Variants in PCARE observed in about 807,000 individuals in gnomAD.
The protein encoded by PCARE is uncharacterized protein C2orf71.
In PCARE, 72 loss-of-function variants were observed where a neutral mutation model predicts 82.2. The ratio of observed to expected loss-of-function variants is 0.88; its 90% CI spans 0.72 to 1.07. The LOEUF (loss-of-function observed/expected upper bound fraction) is 1.07. Among genes scored for constraint, PCARE ranks in the 50% least tolerant of loss-of-function variants. The pLI, the probability that PCARE is intolerant of heterozygous loss-of-function variation, is 0.00. For synonymous variants in PCARE, 705 were observed against 634.8 expected (o/e 1.11, Z -1.66); for missense variants, 1,768 against 1,592.4 (o/e 1.11, Z -1.88).
Position 29,072,764 on chromosome 2 carries a change from T to A in PCARE, c.1498A>T (p.Met500Leu). 6.2e-7 allele frequency: 1 copy of A among 1,614,078 alleles called. No individual in the cohort carries two copies. Among genetic ancestry groups the A allele is most frequent in the Non-Finnish European group, 8.5e-7 (1 of 1,180,000 alleles). ...TTTTCCTGCCAGGCACACAGACTCA[T>A]GCTGCTCATTTTGTCTTCCTCCTCC... ...EEEEEDKMSS[M>L]SLCAWQEKTP... is the part of the protein sequence containing the mutation. The change falls in exon 1 of 2, where the codon ATG (methionine) becomes TTG (leucine). Residue 500 changes from methionine (M) to leucine (L), a missense_variant. Met to Leu is a conservative substitution (Grantham distance 15). Transcript: ENST00000331664.
chr2:29,071,926 G>A lies in PCARE; in HGVS notation c.2336C>T (p.Pro779Leu), dbSNP rs763558017. The stretch of plus-strand genomic sequence containing the variant: ...TGATGCTGGAGAAATTTGGGGCTTC[G>A]GATACAAAGGGGCAAGCCCTGTGTA... ...PKYTGLAPLY[P>L]KPQISPASGR... Residue 779 changes from proline to leucine, a missense_variant, in exon 1 of 2, where the codon CCG (proline) becomes CTG (leucine). Coordinates refer to ENST00000331664, the MANE Select transcript of PCARE (RefSeq NM_001029883.3). 7.4e-6 allele frequency: 12 copies of A among 1,614,042 alleles called. No individual in the cohort carries two copies. The highest frequency in any genetic ancestry group is 1.6e-4 in the Middle Eastern group (1 of 6,084).
At chr2:29,070,192 C>T (rs1667447737) in intron 1 of PCARE, among the ~76,000 whole-genome samples, 1 of 151,988 alleles carries the variant, frequency 6.6e-6, no homozygotes, top group Non-Finnish European at 1.5e-5. Flanking sequence ...TGGTGGTTTC[C>T]TGCACCTATC....
rs1188750327 is a variant in PCARE, at chr2:29,072,815, C to T, written c.1447G>A (p.Asp483Asn). The change falls in exon 1 of 2, where the codon GAC (aspartate) becomes AAC (asparagine). Residue 483 changes from aspartate (D) to asparagine (N), a missense_variant. By Grantham distance (23) the Asp-to-Asn change is conservative. Transcript: ENST00000331664. ...SRPMDASSLS[D>N]SEDSSPEEEE... ...TCCTCTGGGCTGCTGTCCTCGCTGT[C>T]ACTAAGAGATGAAGCGTCCATCGGC... 3 of 1,614,138 alleles carry T rather than the reference C, an allele frequency of 1.9e-6. 1 individual carries two copies. Among genetic ancestry groups the T allele is most frequent in the Non-Finnish European group, 2.5e-6 (3 of 1,180,034 alleles).
In PCARE at chr2:29,073,618, A is replaced by T. The variant is rs187815594; in HGVS notation, c.644T>A (p.Leu215Gln). ...IHQATQTREL[L>Q]QPMVSFLLLC... The stretch of plus-strand genomic sequence containing the variant: ...CAGCAAGAAGCTGACCATGGGCTGC[A>T]GCAGCTCCCGGGTCTGGGTGGCCTG... The change falls in exon 1 of 2, where the codon CTG (leucine) becomes CAG (glutamine). Residue 215 changes from leucine to glutamine, a missense_variant. Physicochemically the swap from Leu to Gln is moderately radical, Grantham distance 113. Transcript: ENST00000331664. The T allele has an allele frequency of 1.9e-6, 3 of 1,614,202 alleles. No individual in the cohort carries two copies. Among genetic ancestry groups the T allele is most frequent in the Admixed American group, 3.3e-5 (2 of 60,030 alleles).
rs951445929 is a variant in PCARE, at chr2:29,072,016, T to A, written c.2246A>T (p.Asp749Val). Residue 749 changes from aspartate (D) to valine (V), a missense_variant, in exon 1 of 2, where the codon GAC (aspartate) becomes GTC (valine). Physicochemically the swap from Asp to Val is radical, Grantham distance 152. Transcript: ENST00000331664. ...SPTESLRMLG[D>V]SKDAGASPCL... ...GGGACTTGCCCCAGCGTCCTTAGAG[T>A]CCCCCAGCATCCTCAGACTCTCCGT... 4 of 1,613,758 alleles carry A rather than the reference T, an allele frequency of 2.5e-6. No individual in the cohort carries two copies. The highest frequency in any genetic ancestry group is 3.4e-6 in the Non-Finnish European group (4 of 1,179,872).
rs1418612642 is a variant in PCARE at position 29,071,083 on chromosome 2, G to A, written c.3179C>T (p.Pro1060Leu). 3.2e-6 allele frequency: 5 copies of A among 1,586,298 alleles called. No individual in the cohort carries two copies. Among genetic ancestry groups the A allele is most frequent in the Non-Finnish European group, 3.4e-6 (4 of 1,164,342 alleles). The change falls in exon 1 of 2, where the codon CCC becomes CTC. Residue 1060 changes from proline to leucine, a missense_variant. Physicochemically the swap from Pro to Leu is moderately conservative, Grantham distance 98. Coordinates refer to ENST00000331664, the MANE Select transcript of PCARE (RefSeq NM_001029883.3). The stretch of plus-strand genomic sequence containing the variant: ...GCACTGAGCAGGTGCACTCTCGGGG[G>A]GAGGGTTGGGCAACTTGGGCTGGTG... ...PPHQPKLPNP[P>L]PESAPAQCKV...
chr2:29,066,109 T>A (rs530572390), intron 1 of PCARE, among the ~76,000 whole-genome samples: 1 of 152,208 alleles, frequency 6.6e-6, no homozygotes, highest in East Asian at 1.9e-4. Flanking sequence ...GATTGCGCCA[T>A]AGCACTCCAG....
At chr2:29,065,308 C>T (rs1263940273) in intron 1 of PCARE, among the ~76,000 whole-genome samples, 2 of 152,190 alleles carry the variant, frequency 1.3e-5, no homozygotes, top group Non-Finnish European at 2.9e-5. Context: ...CCTGTTCTTT[C>T]CCCTGAAGCC....
chr2:29,065,604 G>T (rs1356024564), intron 1 of PCARE, among the ~76,000 whole-genome samples: 2 of 152,230 alleles, frequency 1.3e-5, no homozygotes, highest in Non-Finnish European at 2.9e-5. Flanking sequence ...TTTGCATGGG[G>T]AGAGGACCCC....
Position 29,073,983 on chromosome 2 carries a change from G to T in PCARE, c.279C>A (p.Ile93=), listed in dbSNP as rs199898935. 1 of 1,614,194 alleles carries T rather than the reference G, an allele frequency of 6.2e-7. No individual in the cohort carries two copies. Among genetic ancestry groups the T allele is most frequent in the East Asian group, 2.2e-5 (1 of 44,884 alleles). ...GGGATGAAGAGGTTTTGGTTCCTGG[G>T]ATCAGTCCTTCCATATCTTTCCTTT... ...SGKRKDMEGL[I]PGTKTSSSQL... Residue 93 remains isoleucine, a synonymous_variant, in exon 1 of 2, where the codon ATC becomes ATA. Coordinates refer to ENST00000331664, the MANE Select transcript of PCARE (RefSeq NM_001029883.3).
At position 29,073,747 on chromosome 2, in the gene PCARE, C is replaced by A. The variant is rs946621597; in HGVS notation, c.515G>T (p.Gly172Val). ...CAGAGGCTCCGGGAAGTCCACTTTG[C>A]CTTCAGGCTCATGAGCAGGGTGGAT... ...QTIHPAHEPE[G>V]KVDFPEPLVK... Residue 172 changes from glycine (G) to valine (V), a missense_variant, in exon 1 of 2, where the codon GGC becomes GTC. By Grantham distance (109) the Gly-to-Val change is moderately radical. Coordinates refer to ENST00000331664, the MANE Select transcript of PCARE (RefSeq NM_001029883.3). The A allele has an allele frequency of 6.8e-6, 11 of 1,614,080 alleles. No homozygotes were observed. The highest frequency in any genetic ancestry group is 2.7e-5 in the African/African-American group (2 of 74,922).
rs1271536372 is a variant in PCARE, at chr2:29,062,195, C to A, written c.*2674G>T. On this transcript the variant is annotated 3_prime_UTR_variant, in exon 2 of 2. Transcript: ENST00000331664. ...GGAAGCTGACTTGGAATTCCAGTAG[C>A]CTAAGGTTACTGGGCAACACAATGG... The A allele has an allele frequency of 6.6e-6, 1 of 152,216 alleles. No homozygotes were observed. Among genetic ancestry groups the A allele is most frequent in the Admixed American group, 6.5e-5 (1 of 15,282 alleles). 9.4% of individuals were successfully genotyped at this position (152,216 alleles called of 1,614,324 possible).
In PCARE at chr2:29,062,564, C is replaced by G. The variant is rs762921602; in HGVS notation, c.*2305G>C. On this transcript the variant is annotated 3_prime_UTR_variant, in exon 2 of 2. Transcript: ENST00000331664. ...GCACCGTTGTTCATTCCGGACCCTT[C>G]CTGCGTGTTCTCCATGATACTGACC... The G allele has an allele frequency of 2.6e-5, 4 of 152,260 alleles. No homozygotes were observed. The highest frequency in any genetic ancestry group is 5.9e-5 in the Non-Finnish European group (4 of 68,078). 9.4% of individuals were successfully genotyped at this position (152,260 alleles called of 1,614,324 possible).
Position 29,072,339 on chromosome 2 carries a change from A to G in PCARE, c.1923T>C (p.Ile641=), listed in dbSNP as rs1459802925. The change falls in exon 1 of 2, where the codon ATT becomes ATC. Residue 641 remains isoleucine, a synonymous_variant. Transcript: ENST00000331664. ...AKGQGQSQEQ[I]LQPRAAAVWP... ...ACACGGCGGCTGCTCTGGGCTGCAG[A>G]ATTTGCTCCTGGCTCTGCCCCTGCC... The G allele has an allele frequency of 1.9e-6, 3 of 1,613,898 alleles. No individual in the cohort carries two copies. Among genetic ancestry groups the G allele is most frequent in the Non-Finnish European group, 2.5e-6 (3 of 1,179,998 alleles).
At chr2:29,069,512 C>G (rs1323807994) in intron 1 of PCARE, among the ~76,000 whole-genome samples, 3 of 152,126 alleles carry the variant, frequency 2.0e-5, no homozygotes, top group Non-Finnish European at 4.4e-5. Flanking sequence ...AAGAGGGGAA[C>G]AGTAGACACT....
At position 29,062,729 on chromosome 2, in the gene PCARE, G is replaced by A. The variant is rs1013186132; in HGVS notation, c.*2140C>T. On this transcript the variant is annotated 3_prime_UTR_variant, in exon 2 of 2. Coordinates refer to ENST00000331664, the MANE Select transcript of PCARE (RefSeq NM_001029883.3). ...GAGGCCCTTTACGGAAGGAGGCCTG[G>A]GCTGGAGACTCAGCCTTGCTTCCCC... 2.6e-5 allele frequency: 4 copies of A among 152,196 alleles called. No homozygotes were observed. The highest frequency in any genetic ancestry group is 7.2e-5 in the African/African-American group (3 of 41,432). 9.4% of individuals were successfully genotyped at this position (152,196 alleles called of 1,614,324 possible). A position where few individuals can be genotyped will look rare whatever the true frequency, so the allele number is the denominator to read the frequency against.
In PCARE at chr2:29,073,015, C is replaced by T. The variant is rs1475457948; in HGVS notation, c.1247G>A (p.Gly416Glu). Reference sequence around the variant, plus strand: ...TGGCTGAACCTTTGCCATAGGAGCCCCTGAGAGCAGGCAGTCCTGGGGTCT... The same window carrying T: ...TGGCTGAACCTTTGCCATAGGAGCCTCTGAGAGCAGGCAGTCCTGGGGTCT... ...SGRPQDCLLS[G>E]APMAKVQPRA... Residue 416 changes from glycine to glutamate, a missense_variant, in exon 1 of 2, where the codon GGG (glycine) becomes GAG (glutamate). By Grantham distance (98) the Gly-to-Glu change is moderately conservative. Transcript: ENST00000331664. 6.2e-7 allele frequency: 1 copy of T among 1,614,130 alleles called. No individual in the cohort carries two copies. Among genetic ancestry groups the T allele is most frequent in the Admixed American group, 1.7e-5 (1 of 60,014 alleles).
Position 29,073,416 on chromosome 2 carries a change from A to G in PCARE, c.846T>C (p.Asn282=). 6.8e-6 allele frequency: 11 copies of G among 1,614,058 alleles called. No individual in the cohort carries two copies. The highest frequency in any genetic ancestry group is 1.3e-5 in the African/African-American group (1 of 75,062). ...TGCCGGTGAGCGAGGCCACTGTGCC[A>G]TTGAGCACCTGCAGCTTGCTGACTG... is the stretch of plus-strand genomic sequence containing the variant. The part of the protein sequence containing the change: ...QYTVSKLQVL[N]GTVASLTGSF... The change falls in exon 1 of 2, where the codon AAT becomes AAC. Residue 282 remains asparagine (N), a synonymous_variant. Transcript: ENST00000331664.
intron 1 of PCARE, among the ~76,000 whole-genome samples, chr2:29,069,635 A>G (rs1257368521): frequency 6.6e-6 from 1 of 152,194 alleles, no homozygotes; most frequent in Non-Finnish European, 1.5e-5. Context: ...CCCTTGTGAC[A>G]CAAGTTTACC....
Sources: gnomAD v4.1 joint callset for allele counts (sites outside exome capture counted in the v4.1 genomes callset) on GRCh38, gnomAD v4.1.1 for gene constraint, MANE v1.5 for transcripts, NCBI Gene and HGNC (gene_info 2026-07-23, HGNC 2026-07-21) for gene names.